Variants in PCDH15 observed in about 807,000 individuals in gnomAD.
PCDH15 encodes protocadherin-15.
PCDH15 carries 129 observed loss-of-function variants against 178.5 expected under a neutral mutation model. The ratio of observed to expected loss-of-function variants is 0.72; its 90% CI spans 0.63 to 0.84. The LOEUF (loss-of-function observed/expected upper bound fraction) is 0.84, where lower values mean the gene tolerates loss of function less well. PCDH15 is among the 40% of genes least tolerant of loss of function. The probability of loss-of-function intolerance (pLI) is 0.00; values close to 1 mark genes in which losing one functional copy is unlikely to be tolerated. For missense variants in PCDH15, 2,230 were observed against 2,099.9 expected, an observed-to-expected ratio of 1.06 and a Z score of -1.21; for synonymous variants, 800 against 732.0, an observed-to-expected ratio of 1.09 and a Z score of -1.50.
chr10:54,671,356 TC>T (rs1215039162), intron 1 of PCDH15, among the ~76,000 whole-genome samples: 1 of 152,030 alleles, frequency 6.6e-6, no homozygotes, highest in Non-Finnish European at 1.5e-5. Context: ...GGCAAATCCA[TC>T]AGCAAAAAAA....
At chr10:55,087,999 CAT>C (rs764259690) in intron 2 of PCDH15, among the ~76,000 whole-genome samples, 5 of 152,046 alleles carry the variant, frequency 3.3e-5, no homozygotes, top group Non-Finnish European at 7.4e-5. Flanking sequence ...ATTATCTACA[CAT>C]GTTATAAAAA....
chr10:54,371,048 A>C (rs571454746), intron 4 of PCDH15, among the ~76,000 whole-genome samples: 1 of 152,036 alleles, frequency 6.6e-6, no homozygotes, highest in South Asian at 2.1e-4. Flanking sequence ...TGAAGGCATT[A>C]AAATCATGTG....
At chr10:55,302,316 G>T (rs1010566303) in intron 1 of PCDH15, among the ~76,000 whole-genome samples, 4 of 151,970 alleles carry the variant, frequency 2.6e-5, no homozygotes, top group Admixed American at 1.3e-4. Context: ...TGTTTTACTA[G>T]ATATTTCATT....
chr10:54,250,360 G>A (rs1431696427), intron 8 of PCDH15, among the ~76,000 whole-genome samples: 1 of 139,032 alleles, frequency 7.2e-6, no homozygotes, highest in Non-Finnish European at 1.5e-5. Flanking sequence ...TCGGCTCACT[G>A]CAAGCTCTGC....
intron 18 of PCDH15, among the ~76,000 whole-genome samples, chr10:54,033,228 T>C (rs180857513): frequency 6.6e-6 from 1 of 152,106 alleles, no homozygotes; most frequent in Admixed American, 6.6e-5. Context: ...TAACAGTCTA[T>C]TCTAGCATTG....
At chr10:54,385,076 A>T (rs185290978) in intron 3 of PCDH15, among the ~76,000 whole-genome samples, 48 of 152,234 alleles carry the variant, frequency 3.2e-4, no homozygotes, top group Admixed American at 9.8e-4. Flanking sequence ...AGGCAGAGAG[A>T]AAGGTCACAT....
At chr10:54,860,304 C>T (rs542663904) in intron 3 of PCDH15, among the ~76,000 whole-genome samples, 9 of 152,178 alleles carry the variant, frequency 5.9e-5, no homozygotes, top group African/African-American at 1.9e-4. Flanking sequence ...CTTCCCCCTC[C>T]TCCCACTCTA....
At chr10:54,863,989 T>G (rs1267640161) in intron 3 of PCDH15, among the ~76,000 whole-genome samples, 1 of 152,200 alleles carries the variant, frequency 6.6e-6, no homozygotes, top group Non-Finnish European at 1.5e-5. Context: ...CTTGAAAAAG[T>G]CCCTTTAAAA....
Position 54,736,100 on chromosome 10 carries a change from T to A in PCDH15, c.-29+64825A>T, listed in dbSNP as rs78499960. ...TCAAACTGCATTTTAGAGTTATCCC[T>A]CTTGAGCACTTAGAAGCTGCAATAA... is the stretch of plus-strand genomic sequence containing the variant. On this transcript the variant is annotated intron_variant, in intron 1 of 37. Transcript: ENST00000644397. Among the ~76,000 whole-genome samples the A allele has an allele frequency of 3.9e-4, 60 of 152,182 alleles. No individual in the cohort carries two copies. In the East Asian group the frequency reaches 9.7e-3, roughly 25 times the overall value.
At chr10:54,230,092 CT>C (rs1306037668) in intron 9 of PCDH15, among the ~76,000 whole-genome samples, 2 of 152,030 alleles carry the variant, frequency 1.3e-5, no homozygotes, top group Admixed American at 6.6e-5. Flanking sequence ...TCACTTTTGC[CT>C]TCTTAAAAGG....
At chr10:54,716,146 G>A (rs922654208) in intron 1 of PCDH15, among the ~76,000 whole-genome samples, 2 of 152,088 alleles carry the variant, frequency 1.3e-5, no homozygotes, top group Non-Finnish European at 2.9e-5. Flanking sequence ...AAACCTGTGG[G>A]TGGGCCTGCT....
At chr10:55,439,452 C>A (rs1180877476) in intron 2 of PCDH15, among the ~76,000 whole-genome samples, 1 of 152,008 alleles carries the variant, frequency 6.6e-6, no homozygotes, top group Non-Finnish European at 1.5e-5. Flanking sequence ...TAGAGAATGA[C>A]CTTCATTCCA....
intron 18 of PCDH15, among the ~76,000 whole-genome samples, chr10:54,057,032 G>A (rs530512684): frequency 1.3e-5 from 2 of 152,308 alleles, no homozygotes; most frequent in South Asian, 4.1e-4. Context: ...TGATGCTAAA[G>A]ATGGGCTTCC....
Position 54,057,585 on chromosome 10 carries a change from C to A in PCDH15, c.2220+9172G>T, listed in dbSNP as rs537151937. Among the ~76,000 whole-genome samples the A allele has an allele frequency of 5.3e-5, 8 of 152,218 alleles. No individual in the cohort carries two copies. The East Asian group carries it at 7.8e-4, about 15-fold the overall frequency. On this transcript the variant is annotated intron_variant, in intron 18 of 37. Coordinates refer to ENST00000644397, the MANE Select transcript of PCDH15 (RefSeq NM_001384140.1). ...GGGGTCCTGGACCCAGCCCAGGAAA[C>A]CATTTTTTCCTCCTAGGCCTCTGGG...
At chr10:55,204,610 C>T (rs956763720) in intron 1 of PCDH15, among the ~76,000 whole-genome samples, 2 of 151,938 alleles carry the variant, frequency 1.3e-5, no homozygotes, top group East Asian at 1.9e-4. Flanking sequence ...TAAATGGCTC[C>T]AGAAAATCTA....
intron 1 of PCDH15, among the ~76,000 whole-genome samples, chr10:55,240,813 TATTACCAAGC>T (rs1175403308): frequency 6.6e-6 from 1 of 152,216 alleles, no homozygotes; most frequent in African/African-American, 2.4e-5. Context: ...TAGTGTTTCT[TATTACCAAGC>T]ATTCTTCAAA....
chr10:55,394,191 T>C (rs1024193064), intron 2 of PCDH15, among the ~76,000 whole-genome samples: 1 of 149,576 alleles, frequency 6.7e-6, no homozygotes, highest in Non-Finnish European at 1.5e-5. Context: ...CTTTGGACAA[T>C]AGAATCAACC....
rs1370587111 is a variant in PCDH15, at chr10:55,582,631, T to A, written c.-156+44994A>T. ...ATATATATATATATATATATATATT[T>A]TTTTTTTTTTGCTATATTTGATGAA... On this transcript the variant is annotated intron_variant, in intron 2 of 5. Coordinates refer to the PCDH15 transcript ENST00000613346. Among the ~76,000 whole-genome samples the A allele has an allele frequency of 5.3e-4, 73 of 138,644 alleles. 1 individual carries two copies. The highest frequency in any genetic ancestry group is 2.0e-3 in the African/African-American group (72 of 35,954). The allele number at this position is 138,644 out of a possible 152,430, so 91.0% of individuals were successfully genotyped here.
chr10:55,266,308 G>A (rs1249202804), intron 1 of PCDH15, among the ~76,000 whole-genome samples: 3 of 151,968 alleles, frequency 2.0e-5, no homozygotes, highest in Admixed American at 1.3e-4. Flanking sequence ...ATAGACCCCT[G>A]GGAGGAATCT....
Sources: allele counts gnomAD v4.1 joint callset (sites outside exome capture counted in the v4.1 genomes callset), GRCh38; gene constraint gnomAD v4.1.1; transcripts MANE v1.5; gene names NCBI Gene and HGNC (gene_info 2026-07-23, HGNC 2026-07-21).